The following ZHX2 variants were observed in gnomAD, a reference collection of about 807,000 sequenced individuals.
ZHX2 encodes zinc fingers and homeoboxes protein 2.
A neutral mutation model predicts 21.9 loss-of-function variants in ZHX2; 6 were observed. That is an observed-to-expected ratio of 0.27 (90% CI 0.15 to 0.54). ZHX2 has a LOEUF of 0.54. Ranked by LOEUF, ZHX2 falls within the 20% of genes least tolerant of loss-of-function variation. The probability of loss-of-function intolerance (pLI) is 0.95; values close to 1 mark genes in which losing one functional copy is unlikely to be tolerated. For missense variants in ZHX2, 908 were observed against 1,090.7 expected, an observed-to-expected ratio of 0.83 and a Z score of 2.36; for synonymous variants, 434 against 437.1, an observed-to-expected ratio of 0.99 and a Z score of 0.09.
chr8:122,854,821 T>C (rs1818991022), intron 1 of ZHX2, among the ~76,000 whole-genome samples: 1 of 152,146 alleles, frequency 6.6e-6, no homozygotes, highest in African/African-American at 2.4e-5. Context: ...CTCCCACCCA[T>C]GACACTGTAT....
chr8:122,855,605 GT>G (rs895928928), intron 1 of ZHX2, among the ~76,000 whole-genome samples: 6 of 151,928 alleles, frequency 3.9e-5, no homozygotes, highest in African/African-American at 1.5e-4. Context: ...GGGAGAGAGA[GT>G]TTTTCCAGCT....
intron 2 of ZHX2, among the ~76,000 whole-genome samples, chr8:122,883,229 C>G (rs1243365191): frequency 1.3e-5 from 2 of 152,138 alleles, no homozygotes; most frequent in African/African-American, 4.8e-5. Flanking sequence ...TATGGTTTTG[C>G]ATTTGCTGTT....
intron 3 of ZHX2, among the ~76,000 whole-genome samples, chr8:122,968,774 G>T (rs1813647049): frequency 6.6e-6 from 1 of 151,842 alleles, no homozygotes; most frequent in Admixed American, 6.6e-5. Context: ...GGGAGGCAGA[G>T]GTTGCAGTGA....
Position 122,953,231 on chromosome 8 carries a change from A to C in ZHX2, c.1721A>C (p.Asp574Ala). 1.2e-6 allele frequency: 2 copies of C among 1,612,736 alleles called. No individual in the cohort carries two copies. Among genetic ancestry groups the C allele is most frequent in the Non-Finnish European group, 1.7e-6 (2 of 1,179,658 alleles). The change falls in exon 3 of 4, where the codon GAC becomes GCC. Residue 574 changes from aspartate (D) to alanine (A), a missense_variant. Transcript: ENST00000314393. This position sits in a 1 kb window ranked among gnomAD's most constrained non-coding sequence, Gnocchi z 4.6. Reference sequence around the variant, plus strand: ...ACCAAGCTGAGCAGGAGAGAGATCGACTCCTGGTTCTCGGAGAGGCGGAAG... The same window carrying C: ...ACCAAGCTGAGCAGGAGAGAGATCGCCTCCTGGTTCTCGGAGAGGCGGAAG... ...VETKLSRREIDSWFSERRKLR... is the reference protein window; with the variant it reads ...VETKLSRREIASWFSERRKLR...
intron 2 of ZHX2, among the ~76,000 whole-genome samples, chr8:122,904,292 C>T (rs1168957833): frequency 3.9e-5 from 6 of 152,182 alleles, no homozygotes; most frequent in Admixed American, 3.3e-4. Flanking sequence ...ACAGAAAAAA[C>T]TGTGGTCCAG....
intron 3 of ZHX2, among the ~76,000 whole-genome samples, chr8:122,955,730 T>G (rs1813281950): frequency 6.6e-6 from 1 of 151,540 alleles, no homozygotes; most frequent in African/African-American, 2.4e-5. Context: ...TGTACTGAGG[T>G]CACAATGACA....
At position 122,954,115 on chromosome 8, in the gene ZHX2, A is replaced by C. The variant is rs549440341; in HGVS notation, c.*4+87A>C. The stretch of plus-strand genomic sequence containing the variant: ...AGGGTTAATATAGATTGTAGGGTAC[A>C]GAGATGTTGACACAGATGGTGGCGT... On this transcript the variant is annotated intron_variant, in intron 3 of 3. Coordinates refer to ENST00000314393, the MANE Select transcript of ZHX2 (RefSeq NM_014943.5). 1.4e-4 allele frequency: 169 copies of C among 1,237,808 alleles called. No individual in the cohort carries two copies. In the Middle Eastern group the frequency reaches 1.4e-3, roughly 10 times the overall value. The allele number at this position is 1,237,808 out of a possible 1,614,324, so 76.7% of individuals were successfully genotyped here. A position where few individuals can be genotyped will look rare whatever the true frequency, so the allele number is the denominator to read the frequency against.
intron 1 of ZHX2, among the ~76,000 whole-genome samples, chr8:122,857,851 G>T (rs1819063446): frequency 1.3e-5 from 2 of 151,908 alleles, no homozygotes; most frequent in Non-Finnish European, 2.9e-5. Flanking sequence ...AGGGAGATAA[G>T]GCTTAAGACC....
At chr8:122,966,864 G>A (rs570133172) in intron 3 of ZHX2, among the ~76,000 whole-genome samples, 16 of 151,966 alleles carry the variant, frequency 1.1e-4, no homozygotes, top group Non-Finnish European at 2.1e-4. Flanking sequence ...ATTAGTTTTT[G>A]TCTCTGTCAA....
chr8:122,861,893 CT>C (rs1819176166), intron 1 of ZHX2, among the ~76,000 whole-genome samples: 1 of 152,218 alleles, frequency 6.6e-6, no homozygotes, highest in South Asian at 2.1e-4. Context: ...CTCAGGTTAG[CT>C]TGTCTCCTGG....
intron 1 of ZHX2, among the ~76,000 whole-genome samples, chr8:122,806,493 G>A (rs760965813): frequency 3.3e-5 from 5 of 152,218 alleles, no homozygotes; most frequent in South Asian, 2.1e-4. Context: ...GTGTGTGCAG[G>A]CACCAGAGTT....
At chr8:122,818,312 C>T (rs1054392784) in intron 1 of ZHX2, among the ~76,000 whole-genome samples, 1 of 145,534 alleles carries the variant, frequency 6.9e-6, no homozygotes, top group Admixed American at 6.8e-5. Context: ...AAAAAAAAAA[C>T]AACCATTTTG....
At position 122,845,532 on chromosome 8, in the gene ZHX2, G is replaced by A. The variant is rs1404278142; in HGVS notation, c.-282-17945G>A. 4.6e-5 allele frequency among the ~76,000 whole-genome samples: 7 copies of A among 152,174 alleles called. No homozygotes were observed. The South Asian group carries it at 1.4e-3, about 31-fold the overall frequency. On this transcript the variant is annotated intron_variant, in intron 1 of 3. Coordinates refer to ENST00000314393, the MANE Select transcript of ZHX2 (RefSeq NM_014943.5). ...CACGTGGTCTCCAATAATACCTTGT[G>A]TATATAAATATCCTTATATCTGAAA... is the stretch of plus-strand genomic sequence containing the variant.
chr8:122,819,222 C>T (rs1818093326), intron 1 of ZHX2, among the ~76,000 whole-genome samples: 1 of 152,134 alleles, frequency 6.6e-6, no homozygotes, highest in Non-Finnish European at 1.5e-5. Context: ...GGAGTGAGAC[C>T]GGGATCTGCC....
chr8:122,929,697 T>A (rs555080707), intron 2 of ZHX2, among the ~76,000 whole-genome samples: 1 of 151,074 alleles, frequency 6.6e-6, no homozygotes, highest in African/African-American at 2.4e-5. Flanking sequence ...CTAAAGCAAA[T>A]CTCAAAGACA....
chr8:122,859,419 T>C (rs1200377383), intron 1 of ZHX2, among the ~76,000 whole-genome samples: 1 of 152,228 alleles, frequency 6.6e-6, no homozygotes, highest in African/African-American at 2.4e-5. Flanking sequence ...CACACTCTTC[T>C]AAGCACTTTA....
intron 2 of ZHX2, among the ~76,000 whole-genome samples, chr8:122,904,000 G>A (rs1034222898): frequency 6.6e-6 from 1 of 152,140 alleles, no homozygotes; most frequent in Non-Finnish European, 1.5e-5. Context: ...GTGGAAGGAA[G>A]AAGGCAGACT....
intron 2 of ZHX2, among the ~76,000 whole-genome samples, chr8:122,873,335 G>C (rs1007208747): frequency 8.5e-5 from 13 of 152,134 alleles, no homozygotes; most frequent in African/African-American, 2.9e-4. Flanking sequence ...TCCACATGCG[G>C]GTCCCCCTCT....
chr8:122,903,171 C>G (rs535951402), intron 2 of ZHX2, among the ~76,000 whole-genome samples: 1 of 152,330 alleles, frequency 6.6e-6, no homozygotes, highest in African/African-American at 2.4e-5. Flanking sequence ...CAAATTCTGC[C>G]TACTCTCCTG....
Sources: allele counts gnomAD v4.1 joint callset (sites outside exome capture counted in the v4.1 genomes callset), GRCh38; gene constraint gnomAD v4.1.1; non-coding constraint Gnocchi (gnomAD v3.1); transcripts MANE v1.5; gene names NCBI Gene and HGNC (gene_info 2026-07-23, HGNC 2026-07-21).